The following BICD1 variants were observed in gnomAD, a reference collection of about 807,000 sequenced individuals.
The protein encoded by BICD1 is protein bicaudal D homolog 1.
Under a neutral mutation model 92.5 loss-of-function variants are expected in BICD1, and 35 were observed. That is an observed-to-expected ratio of 0.38 (90% CI 0.29 to 0.50). The LOEUF (loss-of-function observed/expected upper bound fraction) is 0.50, where lower values mean the gene tolerates loss of function less well. BICD1 is among the 20% of genes least tolerant of loss of function. BICD1 has a pLI of 0.93. For missense variants in BICD1, 950 were observed against 1,189.8 expected (o/e 0.80, Z 2.97); for synonymous variants, 429 against 465.1 (o/e 0.92, Z 1.00).
chr12:32,316,592 C>T (rs1323366462), intron 4 of BICD1, among the ~76,000 whole-genome samples: 2 of 152,096 alleles, frequency 1.3e-5, no homozygotes, highest in Non-Finnish European at 2.9e-5. Context: ...TGAGCCAATG[C>T]GCCTGGCCAT....
intron 9 of BICD1, among the ~76,000 whole-genome samples, chr12:32,374,239 GAAA>G (rs1014235542): frequency 6.6e-6 from 1 of 150,898 alleles, no homozygotes; most frequent in African/African-American, 2.4e-5. Context: ...GAAAAGAAAA[GAAA>G]AAAAAGCCAT....
intron 1 of BICD1, among the ~76,000 whole-genome samples, chr12:32,200,179 G>C (rs1944865815): frequency 6.6e-6 from 1 of 152,168 alleles, no homozygotes; most frequent in Admixed American, 6.5e-5. Context: ...GGCTTCCTTG[G>C]CTTCCATCCA....
intron 9 of BICD1, among the ~76,000 whole-genome samples, chr12:32,371,272 C>T (rs764649257): frequency 1.3e-5 from 2 of 152,150 alleles, no homozygotes; most frequent in African/African-American, 2.4e-5. Context: ...TCGTGGTCTA[C>T]GTAAAGAAAT....
intron 2 of BICD1, among the ~76,000 whole-genome samples, chr12:32,230,842 TAA>T (rs760877291): frequency 0.072 from 10,872 of 150,854 alleles, 854 homozygotes; most frequent in East Asian, 0.38. Context: ...AGGTTTCTGT[TAA>T]AGGAAGGTGC....
rs1218093981 is a variant in BICD1, at chr12:32,271,777, C to T, written c.427-22217C>T. Reference sequence around the variant, plus strand: ...TATTTTAATCCTATTGCCTGGATCTCGATTTAAAGTTGATAATTTTCAGAG... The same window carrying T: ...TATTTTAATCCTATTGCCTGGATCTTGATTTAAAGTTGATAATTTTCAGAG... On this transcript the variant is annotated intron_variant, in intron 2 of 9. Coordinates refer to ENST00000652176, the MANE Select transcript of BICD1 (RefSeq NM_001714.4). 2.0e-5 allele frequency among the ~76,000 whole-genome samples: 3 copies of T among 152,270 alleles called. No homozygotes were observed. The East Asian group carries it at 5.8e-4, about 29-fold the overall frequency.
intron 2 of BICD1, among the ~76,000 whole-genome samples, chr12:32,257,674 G>A (rs1265356261): frequency 6.6e-6 from 1 of 152,142 alleles, no homozygotes; most frequent in East Asian, 1.9e-4. Context: ...TGAGTCAGAA[G>A]ATGTAGACAA....
intron 1 of BICD1, among the ~76,000 whole-genome samples, chr12:32,177,722 A>AATATATTT (rs1752500500): frequency 7.3e-6 from 1 of 136,208 alleles, no homozygotes; most frequent in African/African-American, 2.5e-5. Context: ...TAAATATATA[A>AATATATTT]ATATATTTAT....
chr12:32,361,322 G>A (rs371519761), intron 8 of BICD1, among the ~76,000 whole-genome samples: 4 of 152,252 alleles, frequency 2.6e-5, no homozygotes, highest in East Asian at 3.9e-4. Flanking sequence ...TTCAGAGGCC[G>A]GGGCGGGTAG....
intron 2 of BICD1, among the ~76,000 whole-genome samples, chr12:32,277,660 C>T (rs889763124): frequency 6.6e-6 from 1 of 152,162 alleles, no homozygotes; most frequent in Admixed American, 6.5e-5. Flanking sequence ...TACACACATA[C>T]CCAAAGAATA....
intron 2 of BICD1, among the ~76,000 whole-genome samples, chr12:32,225,272 G>T (rs1378236555): frequency 6.6e-6 from 1 of 152,162 alleles, no homozygotes; most frequent in Non-Finnish European, 1.5e-5. Flanking sequence ...CATATAAGTT[G>T]TTACATGTGT....
chr12:32,134,390 A>G (rs765521042), intron 1 of BICD1, among the ~76,000 whole-genome samples: 1 of 152,228 alleles, frequency 6.6e-6, no homozygotes, highest in Non-Finnish European at 1.5e-5. Flanking sequence ...ATGTGATGAT[A>G]ACGTTGGTTT....
chr12:32,348,723 A>AATATATATATATATATAT (rs11272207), intron 8 of BICD1, among the ~76,000 whole-genome samples: 7 of 118,014 alleles, frequency 5.9e-5, no homozygotes, highest in East Asian at 2.8e-4. Context: ...CTCACACAAA[A>AATATATATATATATATAT]ATATATATAT....
chr12:32,354,345 T>C (rs1351966553), intron 8 of BICD1, among the ~76,000 whole-genome samples: 3 of 152,188 alleles, frequency 2.0e-5, no homozygotes, highest in African/African-American at 7.2e-5. Flanking sequence ...TATATGCAGT[T>C]GTCATTTATG....
intron 2 of BICD1, among the ~76,000 whole-genome samples, chr12:32,234,023 A>G (rs1275643272): frequency 1.3e-5 from 2 of 152,224 alleles, no homozygotes; most frequent in African/African-American, 4.8e-5. Context: ...TATCGTAATG[A>G]ATTTTTATAT....
chr12:32,366,823 C>G (rs1939541611), intron 8 of BICD1, among the ~76,000 whole-genome samples: 1 of 152,098 alleles, frequency 6.6e-6, no homozygotes, highest in Non-Finnish European at 1.5e-5. Context: ...CATTTCTAAC[C>G]AGCTTCTTGC....
intron 2 of BICD1, among the ~76,000 whole-genome samples, chr12:32,275,712 T>A (rs1947256021): frequency 6.6e-6 from 1 of 150,732 alleles, no homozygotes; most frequent in Non-Finnish European, 1.5e-5. Flanking sequence ...CTCCCATCCC[T>A]CCAGATCCGG....
At chr12:32,148,203 T>TG (rs1259928503) in intron 1 of BICD1, among the ~76,000 whole-genome samples, 2 of 145,766 alleles carry the variant, frequency 1.4e-5, no homozygotes, top group Non-Finnish European at 3.0e-5. Flanking sequence ...TAAGCAGGGG[T>TG]GGGCACCCTG....
intron 8 of BICD1, among the ~76,000 whole-genome samples, chr12:32,364,475 T>G (rs1260041181): frequency 6.6e-6 from 1 of 152,138 alleles, no homozygotes; most frequent in Non-Finnish European, 1.5e-5. Flanking sequence ...AGGCTACAAT[T>G]GACACAACTG....
At chr12:32,225,472 AAG>A (rs1945650392) in intron 2 of BICD1, among the ~76,000 whole-genome samples, 1 of 152,122 alleles carries the variant, frequency 6.6e-6, no homozygotes, top group African/African-American at 2.4e-5. Context: ...GTAAATACTT[AAG>A]AGAGTGGGGA....
Sources: allele counts gnomAD v4.1 joint callset (sites outside exome capture counted in the v4.1 genomes callset), GRCh38; gene constraint gnomAD v4.1.1; transcripts MANE v1.5; gene names NCBI Gene and HGNC (gene_info 2026-07-23, HGNC 2026-07-21).